Variants in EYA1 observed in about 807,000 individuals in gnomAD.
EYA1 encodes protein phosphatase EYA1.
EYA1 carries 16 observed loss-of-function variants against 82.0 expected under a neutral mutation model. The ratio of observed to expected loss-of-function variants is 0.20; its 90% CI spans 0.13 to 0.30. EYA1 has a LOEUF of 0.30. EYA1 is among the 10% of genes least tolerant of loss of function. The probability of loss-of-function intolerance (pLI) is 1.00; values close to 1 mark genes in which losing one functional copy is unlikely to be tolerated. For synonymous variants in EYA1, 261 were observed against 264.4 expected, an observed-to-expected ratio of 0.99 and a Z score of 0.12; for missense variants, 633 against 730.7, an observed-to-expected ratio of 0.87 and a Z score of 1.54.
At chr8:71,373,453 A>G (rs1437684333) in intron 2 of EYA1, among the ~76,000 whole-genome samples, 2 of 152,124 alleles carry the variant, frequency 1.3e-5, no homozygotes, top group African/African-American at 4.8e-5. Flanking sequence ...CCGTACATTG[A>G]AAATTATATG....
Position 71,346,242 on chromosome 8 carries a change from T to C in EYA1, c.124+8540A>G, listed in dbSNP as rs564919565. ...AGAATATAGTCCTTATCTTAAAGTATGGTGGTAAATCACATTTAATAGTGA... is the reference window on the plus strand; with the variant it reads ...AGAATATAGTCCTTATCTTAAAGTACGGTGGTAAATCACATTTAATAGTGA... On this transcript the variant is annotated intron_variant, in intron 3 of 17. Transcript: ENST00000340726. 3.3e-5 allele frequency among the ~76,000 whole-genome samples: 5 copies of C among 152,196 alleles called. No homozygotes were observed. The East Asian group carries it at 5.8e-4, about 18-fold the overall frequency.
At chr8:71,407,779 C>T (rs1236083104) in intron 2 of EYA1, among the ~76,000 whole-genome samples, 1 of 141,270 alleles carries the variant, frequency 7.1e-6, no homozygotes, top group Admixed American at 7.1e-5. Flanking sequence ...GAGAATGGAA[C>T]CAAGTTGGAA....
intron 3 of EYA1, among the ~76,000 whole-genome samples, chr8:71,342,445 C>G (rs759654238): frequency 1.3e-5 from 2 of 152,120 alleles, no homozygotes; most frequent in African/African-American, 2.4e-5. Context: ...TCCCAATACT[C>G]AGCTCAGATT....
chr8:71,403,889 G>C (rs1424475829), intron 2 of EYA1: 1 of 152,218 alleles, frequency 6.6e-6, no homozygotes, highest in African/African-American at 2.4e-5. Flanking sequence ...ATGGGAATGG[G>C]AGGAGGTGGA....
At chr8:71,207,175 G>T (rs190087893) in intron 17 of EYA1, among the ~76,000 whole-genome samples, 8 of 152,196 alleles carry the variant, frequency 5.3e-5, no homozygotes, top group African/African-American at 1.9e-4. Flanking sequence ...ACTGTAGAGG[G>T]CTCCTCCTCC....
intron 3 of EYA1, among the ~76,000 whole-genome samples, chr8:71,346,389 T>TAC (rs529572741): frequency 7.1e-6 from 1 of 140,218 alleles, no homozygotes; most frequent in Admixed American, 7.5e-5. Flanking sequence ...TATACACACA[T>TAC]ACACACACAC....
intron 2 of EYA1, among the ~76,000 whole-genome samples, chr8:71,426,454 G>A (rs1222557167): frequency 1.3e-5 from 2 of 152,234 alleles, no homozygotes; most frequent in Non-Finnish European, 2.9e-5. Flanking sequence ...GAAAGACTTG[G>A]GAGATCAGGG....
chr8:71,530,643 A>G (rs1814191118), intron 2 of EYA1, among the ~76,000 whole-genome samples: 1 of 152,194 alleles, frequency 6.6e-6, no homozygotes, highest in Non-Finnish European at 1.5e-5. Context: ...TTGTATAACT[A>G]CTTTTAGTAA....
At chr8:71,428,444 A>C (rs2129157934) in intron 2 of EYA1, among the ~76,000 whole-genome samples, 1 of 152,352 alleles carries the variant, frequency 6.6e-6, no homozygotes, top group African/African-American at 2.4e-5. Context: ...TATACCAAAA[A>C]ATTGTAATGC....
At chr8:71,254,811 G>A (rs1160985428) in intron 11 of EYA1, among the ~76,000 whole-genome samples, 1 of 152,076 alleles carries the variant, frequency 6.6e-6, no homozygotes, top group East Asian at 1.9e-4. Flanking sequence ...ATAATTTTGT[G>A]TGTAGAAAGC....
At chr8:71,222,763 G>A (rs923274985) in intron 12 of EYA1, among the ~76,000 whole-genome samples, 1 of 152,190 alleles carries the variant, frequency 6.6e-6, no homozygotes, top group Non-Finnish European at 1.5e-5. Flanking sequence ...TAAATGCTGC[G>A]ATGCTGATGT....
At chr8:71,513,906 G>T (rs577428473) in intron 2 of EYA1, among the ~76,000 whole-genome samples, 1 of 152,080 alleles carries the variant, frequency 6.6e-6, no homozygotes, top group South Asian at 2.1e-4. Flanking sequence ...TCCACCCATG[G>T]AACTGCAGGC....
At chr8:71,342,361 C>T (rs974168532) in intron 3 of EYA1, among the ~76,000 whole-genome samples, 4 of 152,142 alleles carry the variant, frequency 2.6e-5, no homozygotes, top group Non-Finnish European at 5.9e-5. Flanking sequence ...CCAAACTATC[C>T]TACCTTTGTT....
intron 2 of EYA1, among the ~76,000 whole-genome samples, chr8:71,377,974 T>C (rs929707346): frequency 1.3e-5 from 2 of 152,164 alleles, no homozygotes; most frequent in Non-Finnish European, 2.9e-5. Context: ...TCTTGGTCTC[T>C]TTTTAGGGTT....
chr8:71,205,336 AT>A (rs1354426234), intron 17 of EYA1, among the ~76,000 whole-genome samples: 73 of 148,284 alleles, frequency 4.9e-4, no homozygotes, highest in African/African-American at 1.2e-3. Context: ...TATTTCCTAC[AT>A]TTTTTTTTTT....
intron 2 of EYA1, among the ~76,000 whole-genome samples, chr8:71,415,347 C>T (rs1830798268): frequency 6.6e-6 from 1 of 152,166 alleles, no homozygotes; most frequent in South Asian, 2.1e-4. Context: ...ATTCTAAGTG[C>T]TTTACTTGTA....
intron 3 of EYA1, among the ~76,000 whole-genome samples, chr8:71,350,893 G>T (rs1295076370): frequency 6.6e-6 from 1 of 152,084 alleles, no homozygotes; most frequent in South Asian, 2.1e-4. Context: ...AATTACATAC[G>T]TAAATAAAAA....
At chr8:71,226,228 C>A (rs1810539094) in intron 12 of EYA1, among the ~76,000 whole-genome samples, 1 of 152,002 alleles carries the variant, frequency 6.6e-6, no homozygotes, top group Non-Finnish European at 1.5e-5. Flanking sequence ...TTGATATTTT[C>A]TTATAATATT....
chr8:71,333,850 A>C (rs913066653), intron 4 of EYA1, among the ~76,000 whole-genome samples: 4 of 152,254 alleles, frequency 2.6e-5, no homozygotes, highest in South Asian at 2.1e-4. Context: ...GAGAAGAACA[A>C]CACCCTTTTT....
Sources: allele counts gnomAD v4.1 joint callset (sites outside exome capture counted in the v4.1 genomes callset), GRCh38; gene constraint gnomAD v4.1.1; transcripts MANE v1.5; gene names NCBI Gene and HGNC (gene_info 2026-07-23, HGNC 2026-07-21).